The following RNLS variants were observed in gnomAD, a reference collection of about 807,000 sequenced individuals.
The protein encoded by RNLS is renalase.
In RNLS, 39 loss-of-function variants were observed where a neutral mutation model predicts 39.8. That is an observed-to-expected ratio of 0.98 (90% CI 0.76 to 1.28). The LOEUF (loss-of-function observed/expected upper bound fraction) is 1.28, where lower values mean the gene tolerates loss of function less well. Among genes scored for constraint, RNLS ranks in the 50% most tolerant of loss-of-function variants. The pLI, the probability that RNLS is intolerant of heterozygous loss-of-function variation, is 0.00. For missense variants in RNLS, 410 were observed against 413.3 expected, an observed-to-expected ratio of 0.99 and a Z score of 0.07; for synonymous variants, 147 against 150.7, an observed-to-expected ratio of 0.98 and a Z score of 0.18.
chr10:88,470,783 T>G (rs113690462), intron 4 of RNLS, among the ~76,000 whole-genome samples: 1,602 of 152,066 alleles, frequency 0.011, 28 homozygotes, highest in African/African-American at 0.036. Context: ...GCCCGGCTAA[T>G]TTTTGTATTT....
chr10:88,187,167 A>AAT, the RNLS span, among the ~76,000 whole-genome samples: 1 of 50,388 alleles, frequency 2.0e-5, no homozygotes, highest in South Asian at 6.2e-4. Flanking sequence ...TAATATATAT[A>AAT]ATATATATAT....
At chr10:88,533,772 G>A (rs542071889) in intron 4 of RNLS, among the ~76,000 whole-genome samples, 10 of 152,220 alleles carry the variant, frequency 6.6e-5, no homozygotes, top group African/African-American at 2.4e-4. Context: ...AACAGGTTTG[G>A]TGAGGACAGT....
Position 88,284,561 on chromosome 10 carries a change from T to A in RNLS, c.*793A>T. 1.0e-6 allele frequency: 1 copy of A among 985,278 alleles called. No individual in the cohort carries two copies. The highest frequency in any genetic ancestry group is 1.2e-6 in the Non-Finnish European group (1 of 829,862). The allele number at this position is 985,278 out of a possible 1,614,324, so 61.0% of individuals were successfully genotyped here. Reference sequence around the variant, plus strand: ...GTTAAATTCATTAAACTCGACACAGTCTAAATGCCACAGCACATACTGGAG... The same window carrying A: ...GTTAAATTCATTAAACTCGACACAGACTAAATGCCACAGCACATACTGGAG... On this transcript the variant is annotated 3_prime_UTR_variant, in exon 7 of 7. Transcript: ENST00000331772.
the RNLS span, among the ~76,000 whole-genome samples, chr10:88,209,998 AT>A: frequency 2.6e-5 from 4 of 152,224 alleles, no homozygotes; most frequent in Non-Finnish European, 5.9e-5. Context: ...CTGCCACTCA[AT>A]GTCTGAAGAT....
chr10:88,365,098 A>C (rs1407330613), intron 4 of RNLS, among the ~76,000 whole-genome samples: 1 of 152,046 alleles, frequency 6.6e-6, no homozygotes, highest in Non-Finnish European at 1.5e-5. Context: ...TTGAAAAGGT[A>C]ATTGATATCT....
rs1850568070 is a variant in RNLS, at chr10:88,581,642, TCAC to T, written c.289_291del (p.Val97del). ...ACAAAGTTACAGTCTCCTTCTTTCATCACCATTCCTTCAATAGGCGAGCTTAGA... is the reference window on the plus strand; with the variant it reads ...ACAAAGTTACAGTCTCCTTCTTTCATCATTCCTTCAATAGGCGAGCTTAGA... On this transcript the variant is annotated inframe_deletion, in exon 3 of 7. Coordinates refer to ENST00000331772, the MANE Select transcript of RNLS (RefSeq NM_001031709.3). The T allele has an allele frequency of 1.2e-6, 2 of 1,605,698 alleles. No individual in the cohort carries two copies. Among genetic ancestry groups the T allele is most frequent in the East Asian group, 4.5e-5 (2 of 44,228 alleles).
At chr10:88,487,991 T>G (rs958744541) in intron 4 of RNLS, among the ~76,000 whole-genome samples, 1 of 152,238 alleles carries the variant, frequency 6.6e-6, no homozygotes, top group South Asian at 2.1e-4. Context: ...AATCTGTAAT[T>G]CCATTTATAT....
Position 88,524,986 on chromosome 10 carries a change from TATATATATATATAC to T in RNLS, c.526+47903_526+47916del, listed in dbSNP as rs1443912986. On this transcript the variant is annotated intron_variant, in intron 4 of 6. Transcript: ENST00000331772. ...ATATATATATATATATATATATATA[TATATATATATATAC>T]ACACACACACATACTATGTACCCAC... Among the ~76,000 whole-genome samples the T allele has an allele frequency of 4.6e-4, 62 of 134,178 alleles. 1 individual carries two copies. Among genetic ancestry groups the T allele is most frequent in the African/African-American group, 1.1e-3 (39 of 37,062 alleles). 88.0% of individuals were successfully genotyped at this position (134,178 alleles called of 152,430 possible).
At chr10:88,214,358 T>C in the RNLS span, among the ~76,000 whole-genome samples, 1 of 152,142 alleles carries the variant, frequency 6.6e-6, no homozygotes, top group Non-Finnish European at 1.5e-5. Flanking sequence ...GAACTGCAAC[T>C]CCCTTTTCTC....
intron 4 of RNLS, among the ~76,000 whole-genome samples, chr10:88,492,825 A>G (rs1810808985): frequency 1.3e-5 from 2 of 152,176 alleles, no homozygotes; most frequent in South Asian, 2.1e-4. Context: ...AGGACAATTT[A>G]TGAAAGGTTC....
chr10:88,270,017 G>A (rs1263355400), downstream of RNLS, among the ~76,000 whole-genome samples: 1 of 152,068 alleles, frequency 6.6e-6, no homozygotes, highest in African/African-American at 2.4e-5. Flanking sequence ...CCAGCTTATA[G>A]TGCAGTTTGA....
intron 5 of RNLS, among the ~76,000 whole-genome samples, chr10:88,359,970 A>G (rs572357612): frequency 6.6e-6 from 1 of 152,354 alleles, no homozygotes; most frequent in South Asian, 2.1e-4. Context: ...CACCAAAGAA[A>G]CAGAAATCTA....
At chr10:88,319,721 T>C (rs1013392475) in intron 5 of RNLS, among the ~76,000 whole-genome samples, 2 of 151,692 alleles carry the variant, frequency 1.3e-5, no homozygotes, top group African/African-American at 2.4e-5. Flanking sequence ...TTCAAATTAA[T>C]CCAGTCAGAC....
At chr10:88,460,249 C>T (rs1842872647) in intron 4 of RNLS, among the ~76,000 whole-genome samples, 1 of 152,112 alleles carries the variant, frequency 6.6e-6, no homozygotes, top group Non-Finnish European at 1.5e-5. Context: ...TTACACTTTC[C>T]TTCTTTTCTA....
At chr10:88,185,671 T>G in the RNLS span, among the ~76,000 whole-genome samples, 1 of 152,162 alleles carries the variant, frequency 6.6e-6, no homozygotes, top group Non-Finnish European at 1.5e-5. Context: ...ACACATTCTT[T>G]GACTAAGCTC....
At chr10:88,325,926 C>T (rs1164389084) in intron 5 of RNLS, among the ~76,000 whole-genome samples, 2 of 152,076 alleles carry the variant, frequency 1.3e-5, no homozygotes, top group Non-Finnish European at 2.9e-5. Flanking sequence ...GTAAGAGGTT[C>T]TCCCCACTTC....
Position 88,349,469 on chromosome 10 carries a change from C to A in RNLS, c.700+13083G>T, listed in dbSNP as rs552016969. Among the ~76,000 whole-genome samples, 44 of 152,172 alleles carry A rather than the reference C, an allele frequency of 2.9e-4. No individual in the cohort carries two copies. In the South Asian group the frequency reaches 8.3e-3, roughly 29 times the overall value. On this transcript the variant is annotated intron_variant, in intron 5 of 6. Transcript: ENST00000331772. ...CATTCTCTAATAAAAGTCCCCTCCC[C>A]TTTATTTTAAATAACAGAGATGGAG...
intron 3 of RNLS, among the ~76,000 whole-genome samples, chr10:88,579,836 C>T (rs2576155): frequency 0.81 from 123,567 of 152,164 alleles, 50,919 homozygotes; most frequent in East Asian, 0.99. Flanking sequence ...TCTATGAGCA[C>T]GTTTTTAGAA....
intron 4 of RNLS, among the ~76,000 whole-genome samples, chr10:88,460,044 C>G (rs1842860778): frequency 6.6e-6 from 1 of 152,038 alleles, no homozygotes. Context: ...TGGTGTTAAG[C>G]AGTTTATTAG....
Sources: gnomAD v4.1 joint callset for allele counts (sites outside exome capture counted in the v4.1 genomes callset) on GRCh38, gnomAD v4.1.1 for gene constraint, MANE v1.5 for transcripts, NCBI Gene and HGNC (gene_info 2026-07-23, HGNC 2026-07-21) for gene names.